The following TRIM2 variants were observed in gnomAD, a reference collection of about 807,000 sequenced individuals.
TRIM2 encodes tripartite motif containing 2.
In TRIM2, 20 loss-of-function variants were observed where a neutral mutation model predicts 75.2. That is an observed-to-expected ratio of 0.27 (90% CI 0.19 to 0.39). The LOEUF (loss-of-function observed/expected upper bound fraction) is 0.39, where lower values mean the gene tolerates loss of function less well. Ranked by LOEUF, TRIM2 falls within the 10% of genes least tolerant of loss-of-function variation. The pLI is 1.00. For missense variants in TRIM2, 660 were observed against 990.8 expected, an observed-to-expected ratio of 0.67 and a Z score of 4.48; for synonymous variants, 373 against 388.3, an observed-to-expected ratio of 0.96 and a Z score of 0.46.
chr4:153,261,291 G>A (rs1282194637), intron 1 of TRIM2, among the ~76,000 whole-genome samples: 1 of 152,092 alleles, frequency 6.6e-6, no homozygotes, highest in Non-Finnish European at 1.5e-5. Context: ...GTTGTGGTGG[G>A]GTACACCTGT....
intron 1 of TRIM2, among the ~76,000 whole-genome samples, chr4:153,161,771 A>G (rs1007594301): frequency 6.6e-6 from 1 of 152,248 alleles, no homozygotes; most frequent in East Asian, 1.9e-4. Context: ...AAGGTGGTCA[A>G]TTATGTCTAA....
Position 153,286,728 on chromosome 4 carries a change from C to T in TRIM2, c.454-6254C>T, listed in dbSNP as rs568042402. Among the ~76,000 whole-genome samples the T allele has an allele frequency of 2.6e-5, 4 of 151,966 alleles. No homozygotes were observed. The South Asian group carries it at 8.3e-4, about 32-fold the overall frequency. ...TGAGTCTTCTTTCTCTCTTCTCCCA[C>T]ACCACCCCTGCCACACACACACACC... is the stretch of plus-strand genomic sequence containing the variant. On this transcript the variant is annotated intron_variant, in intron 3 of 11. Transcript: ENST00000338700.
upstream of TRIM2, chr4:153,204,315 A>G (rs965788442): frequency 4.1e-5 from 24 of 582,758 alleles, no homozygotes; most frequent in South Asian, 1.7e-4. Context: ...ATGAAACACA[A>G]TATCTTAAGC....
intron 1 of TRIM2, among the ~76,000 whole-genome samples, chr4:153,226,732 G>A (rs1301168991): frequency 6.6e-6 from 1 of 152,204 alleles, no homozygotes; most frequent in African/African-American, 2.4e-5. Context: ...TGATGACTTT[G>A]AGGACCAGGA....
intron 1 of TRIM2, among the ~76,000 whole-genome samples, chr4:153,247,335 A>G (rs1057505667): frequency 6.6e-6 from 1 of 152,172 alleles, no homozygotes; most frequent in African/African-American, 2.4e-5. Flanking sequence ...CACCAGTGCT[A>G]AGTGGGTGAG....
chr4:153,190,295 C>T (rs551297074), intron 1 of TRIM2, among the ~76,000 whole-genome samples: 1 of 152,166 alleles, frequency 6.6e-6, no homozygotes, highest in Non-Finnish European at 1.5e-5. Flanking sequence ...TAAACAATAG[C>T]CAGATGGAAA....
intron 1 of TRIM2, among the ~76,000 whole-genome samples, chr4:153,195,998 C>CG (rs1037997973): frequency 2.6e-5 from 4 of 152,102 alleles, no homozygotes; most frequent in African/African-American, 9.7e-5. Flanking sequence ...TTAGTAAAGA[C>CG]GGGGGTTTGC....
intron 3 of TRIM2, among the ~76,000 whole-genome samples, chr4:153,280,075 A>G (rs1293047142): frequency 8.7e-6 from 1 of 114,766 alleles, no homozygotes; most frequent in Non-Finnish European, 1.8e-5. Context: ...CCCTGCCCCT[A>G]CCCCCACCCA....
At chr4:153,187,668 G>T (rs1471343108) in intron 1 of TRIM2, among the ~76,000 whole-genome samples, 1 of 152,196 alleles carries the variant, frequency 6.6e-6, no homozygotes, top group Non-Finnish European at 1.5e-5. Context: ...CTGTCACAGA[G>T]CCTCGCCCAG....
chr4:153,234,832 A>T (rs1289684277), intron 1 of TRIM2, among the ~76,000 whole-genome samples: 1 of 152,192 alleles, frequency 6.6e-6, no homozygotes, highest in African/African-American at 2.4e-5. Context: ...CTCAGCAGCT[A>T]TTTGACATCT....
chr4:153,217,367 C>T (rs1031149728), intron 1 of TRIM2, among the ~76,000 whole-genome samples: 7 of 152,018 alleles, frequency 4.6e-5, no homozygotes, highest in African/African-American at 1.2e-4. Flanking sequence ...AGTTGAAATT[C>T]GTCAGGAACA....
chr4:153,335,182 TATA>T lies in TRIM2; in HGVS notation c.*218_*220del, dbSNP rs772506226. The T allele has an allele frequency of 1.7e-5, 21 of 1,239,598 alleles. No individual in the cohort carries two copies. The highest frequency in any genetic ancestry group is 1.2e-4 in the Admixed American group (3 of 25,450). 76.8% of individuals were successfully genotyped at this position (1,239,598 alleles called of 1,614,324 possible). On this transcript the variant is annotated 3_prime_UTR_variant, in exon 12 of 12. Transcript: ENST00000338700. ...TTAAAAAAAACTCTTCTACTGAATC[TATA>T]AAAACTGCAGTTTTACATCTGTGAA...
chr4:153,160,070 C>G (rs1729602336), intron 1 of TRIM2, among the ~76,000 whole-genome samples: 1 of 152,176 alleles, frequency 6.6e-6, no homozygotes, highest in Admixed American at 6.5e-5. Flanking sequence ...TTTACAACTT[C>G]CCTGAACTGT....
At chr4:153,308,676 G>A in intron 6 of TRIM2, 1 of 573,004 alleles carries the variant, frequency 1.7e-6, no homozygotes, top group Non-Finnish European at 3.5e-6. Context: ...ATTTGGTGTA[G>A]GCTTTGACTG....
intron 1 of TRIM2, among the ~76,000 whole-genome samples, chr4:153,228,368 G>A (rs906207355): frequency 2.6e-5 from 4 of 152,248 alleles, no homozygotes; most frequent in African/African-American, 9.6e-5. Context: ...TGGCTAAGAT[G>A]AGCTGTCCTG....
At chr4:153,312,872 CT>C (rs1766672157) in intron 6 of TRIM2, among the ~76,000 whole-genome samples, 1 of 152,116 alleles carries the variant, frequency 6.6e-6, no homozygotes, top group Non-Finnish European at 1.5e-5. Flanking sequence ...AGAATTGTTT[CT>C]GTTTCTAGCC....
intron 6 of TRIM2, among the ~76,000 whole-genome samples, chr4:153,301,332 C>A (rs572071294): frequency 4.6e-5 from 7 of 152,286 alleles, no homozygotes; most frequent in Middle Eastern, 3.4e-3. Context: ...CCCAGCCAAC[C>A]TTTGCCTATT....
intron 1 of TRIM2, among the ~76,000 whole-genome samples, chr4:153,261,430 G>T (rs1440789516): frequency 2.0e-5 from 3 of 149,482 alleles, no homozygotes; most frequent in Non-Finnish European, 4.5e-5. Flanking sequence ...CTTAGGGAGA[G>T]AAAAAAAAAG....
Position 153,233,860 on chromosome 4 carries a change from C to G in TRIM2, c.30+29300C>G, listed in dbSNP as rs56180707. 2.6e-3 allele frequency among the ~76,000 whole-genome samples: 403 copies of G among 152,244 alleles called. 1 individual carries two copies. Among genetic ancestry groups the G allele is most frequent in the African/African-American group, 9.3e-3 (384 of 41,508 alleles). ...GAGAGAGATGTTAAATGTTGCATTG[C>G]ATAATTTCTGCCACGGAGGTATGAT... On this transcript the variant is annotated intron_variant, in intron 1 of 11. Transcript: ENST00000338700.
Sources: gnomAD v4.1 joint callset for allele counts (sites outside exome capture counted in the v4.1 genomes callset) on GRCh38, gnomAD v4.1.1 for gene constraint, MANE v1.5 for transcripts, NCBI Gene and HGNC (gene_info 2026-07-23, HGNC 2026-07-21) for gene names.